The following MREG variants were observed in gnomAD, a reference collection of about 807,000 sequenced individuals.
MREG encodes the protein dilute suppressor protein homolog.
A neutral mutation model predicts 28.5 loss-of-function variants in MREG; 31 were observed. The observed-to-expected ratio is 1.09, with a 90% confidence interval of 0.82 to 1.47. MREG has a LOEUF of 1.47. Ranked by LOEUF, MREG falls within the 40% of genes most tolerant of loss-of-function variation. The probability of loss-of-function intolerance (pLI) is 0.00; values close to 1 mark genes in which losing one functional copy is unlikely to be tolerated. For missense variants in MREG, 256 were observed against 257.4 expected (o/e 0.99, Z 0.04); for synonymous variants, 106 against 95.2 (o/e 1.11, Z -0.66).
downstream of MREG, among the ~76,000 whole-genome samples, chr2:215,942,132 T>A (rs185834351): frequency 2.6e-5 from 4 of 152,332 alleles, no homozygotes; most frequent in Non-Finnish European, 5.9e-5. Flanking sequence ...AGGTGTTTGA[T>A]CTACTGGTTA....
At chr2:215,980,326 C>T (rs1315971128) in intron 2 of MREG, among the ~76,000 whole-genome samples, 1 of 152,188 alleles carries the variant, frequency 6.6e-6, no homozygotes, top group Non-Finnish European at 1.5e-5. Context: ...TCAATGAGGA[C>T]AAACTCTAAA....
intron 2 of MREG, among the ~76,000 whole-genome samples, chr2:215,963,040 A>G (rs2105981682): frequency 6.6e-6 from 1 of 152,286 alleles, no homozygotes; most frequent in East Asian, 1.9e-4. Flanking sequence ...AGGTAGGAGG[A>G]TTGCTTGAGG....
chr2:216,004,216 C>T (rs1487246251), intron 1 of MREG, among the ~76,000 whole-genome samples: 1 of 152,216 alleles, frequency 6.6e-6, no homozygotes, highest in East Asian at 1.9e-4. Flanking sequence ...TAAACACCAC[C>T]TCCTCAACAA....
upstream of MREG, among the ~76,000 whole-genome samples, chr2:216,014,362 T>C (rs540297337): frequency 6.6e-6 from 1 of 152,282 alleles, no homozygotes; most frequent in East Asian, 1.9e-4. Flanking sequence ...AGAATGTCTA[T>C]TGGATAGGCC....
At chr2:216,011,389 A>G (rs1387249801) in intron 1 of MREG, among the ~76,000 whole-genome samples, 1 of 152,226 alleles carries the variant, frequency 6.6e-6, no homozygotes, top group Non-Finnish European at 1.5e-5. Flanking sequence ...TCAGAATAAC[A>G]ATGATAATTA....
chr2:215,995,185 G>A (rs186956114), intron 2 of MREG, among the ~76,000 whole-genome samples: 2 of 152,282 alleles, frequency 1.3e-5, no homozygotes, highest in East Asian at 1.9e-4. Context: ...TTTTGCTGGG[G>A]ACATGGGCAG....
At chr2:215,969,540 A>C (rs901363814) in intron 2 of MREG, among the ~76,000 whole-genome samples, 1 of 152,204 alleles carries the variant, frequency 6.6e-6, no homozygotes, top group Non-Finnish European at 1.5e-5. Context: ...ATTGTAAGGC[A>C]GAGAAAAACA....
At chr2:215,939,519 G>A (rs964591069), downstream of MREG, 1 of 152,094 alleles carries the variant, frequency 6.6e-6, no homozygotes, top group Non-Finnish European at 1.5e-5. Flanking sequence ...TCATTCTTAG[G>A]CAGACACAAC....
chr2:215,942,722 C>A lies in MREG; in HGVS notation c.*2141G>T, dbSNP rs1003683705. Reference sequence around the variant, plus strand: ...TGTGGTAACAATTTATAGATGCACACAATCTCATCTATTTTGACATAAAAA... The same window carrying A: ...TGTGGTAACAATTTATAGATGCACAAAATCTCATCTATTTTGACATAAAAA... On this transcript the variant is annotated 3_prime_UTR_variant, in exon 5 of 5. Transcript: ENST00000263268. 2 of 152,584 alleles carry A rather than the reference C, an allele frequency of 1.3e-5. No individual in the cohort carries two copies. The highest frequency in any genetic ancestry group is 4.8e-5 in the African/African-American group (2 of 41,432). The allele number at this position is 152,584 out of a possible 1,614,324, so 9.5% of individuals were successfully genotyped here. A position where few individuals can be genotyped will look rare whatever the true frequency, so the allele number is the denominator to read the frequency against.
upstream of MREG, among the ~76,000 whole-genome samples, chr2:216,017,346 C>T (rs116777624): frequency 0.011 from 1,738 of 152,188 alleles, 29 homozygotes; most frequent in African/African-American, 0.038. Flanking sequence ...CTTAGCATTC[C>T]TCTTCCCGGA....
In MREG at chr2:215,994,600, GAGAAGAAGAGGA is replaced by G. The variant is rs1428104029; in HGVS notation, c.255+1694_255+1705del. ...GAAGAGGGAGAAGGGGAAGAAGAAGGAGAAGAAGAGGAAGAAGAAGAGAAGAAGGAGGGGGAG... is the reference window on the plus strand; with the variant it reads ...GAAGAGGGAGAAGGGGAAGAAGAAGGAGAAGAAGAGAAGAAGGAGGGGGAG... On this transcript the variant is annotated intron_variant, in intron 2 of 4. Transcript: ENST00000263268. Among the ~76,000 whole-genome samples the G allele has an allele frequency of 8.1e-3, 922 of 114,078 alleles. 20 individuals are homozygous for G. The highest frequency in any genetic ancestry group is 0.021 in the African/African-American group (811 of 39,232). The allele number at this position is 114,078 out of a possible 152,430, so 74.8% of individuals were successfully genotyped here. A position where few individuals can be genotyped will look rare whatever the true frequency, so the allele number is the denominator to read the frequency against.
At chr2:215,941,350 C>T (rs574694150), downstream of MREG, among the ~76,000 whole-genome samples, 11 of 152,290 alleles carry the variant, frequency 7.2e-5, no homozygotes, top group East Asian at 1.7e-3. Context: ...GCCATGAATT[C>T]AGTGGACCTA....
rs1693405926 is a variant in MREG at position 215,980,822 on chromosome 2, GA to G, written c.255+15483del. On this transcript the variant is annotated intron_variant, in intron 2 of 4. Transcript: ENST00000263268. ...GCAAGGCTCTGGCTTAAAGAAAGAA[GA>G]AAAGGGAAGAGAAGCAGAGAGGAGG... 2.5e-5 allele frequency among the ~76,000 whole-genome samples: 3 copies of G among 120,060 alleles called. No individual in the cohort carries two copies. The South Asian group carries it at 9.0e-4, about 36-fold the overall frequency. The allele number at this position is 120,060 out of a possible 152,430, so 78.8% of individuals were successfully genotyped here.
chr2:215,991,959 C>T (rs1192695278), intron 2 of MREG, among the ~76,000 whole-genome samples: 1 of 152,146 alleles, frequency 6.6e-6, no homozygotes, highest in Non-Finnish European at 1.5e-5. Flanking sequence ...CCAAATTCTA[C>T]CAGAGGTACA....
At chr2:215,952,452 T>C (rs1256408135) in intron 2 of MREG, among the ~76,000 whole-genome samples, 1 of 152,214 alleles carries the variant, frequency 6.6e-6, no homozygotes, top group Non-Finnish European at 1.5e-5. Flanking sequence ...CTTGAATATA[T>C]ATAATTTTCA....
chr2:215,960,144 A>T lies in MREG; in HGVS notation c.256-13031T>A, dbSNP rs190338470. The stretch of plus-strand genomic sequence containing the variant: ...CTAATTTTTTGTATTTTTAGTAGAG[A>T]TGTGGTTTCACCATGTTAGCCAGGA... On this transcript the variant is annotated intron_variant, in intron 2 of 4. Transcript: ENST00000263268. 2.0e-3 allele frequency among the ~76,000 whole-genome samples: 303 copies of T among 152,116 alleles called. 1 individual carries two copies. Among genetic ancestry groups the T allele is most frequent in the Middle Eastern group, 3.4e-3 (1 of 292 alleles).
chr2:215,999,986 G>C (rs1054513256), intron 1 of MREG, among the ~76,000 whole-genome samples: 1 of 152,226 alleles, frequency 6.6e-6, no homozygotes, highest in African/African-American at 2.4e-5. Flanking sequence ...GGTGAGTCAA[G>C]AAAGAGAGAT....
chr2:215,948,043 C>T (rs1445902040), intron 2 of MREG, among the ~76,000 whole-genome samples: 1 of 152,088 alleles, frequency 6.6e-6, no homozygotes. Context: ...ATGCACAGCC[C>T]AAAAGAACAT....
At chr2:215,960,944 C>T (rs1449827524) in intron 2 of MREG, among the ~76,000 whole-genome samples, 1 of 152,224 alleles carries the variant, frequency 6.6e-6, no homozygotes, top group Non-Finnish European at 1.5e-5. Context: ...CTGCATCTAC[C>T]AGGCATGGTA....
Sources: gnomAD v4.1 joint callset for allele counts (sites outside exome capture counted in the v4.1 genomes callset) on GRCh38, gnomAD v4.1.1 for gene constraint, MANE v1.5 for transcripts, NCBI Gene and HGNC (gene_info 2026-07-23, HGNC 2026-07-21) for gene names.